The following PKD1L1 variants were observed in gnomAD, a reference collection of about 807,000 sequenced individuals.
The protein encoded by PKD1L1 is polycystin 1 like 1, transient receptor potential channel interacting.
PKD1L1 carries 236 observed loss-of-function variants against 323.4 expected under a neutral mutation model. That is an observed-to-expected ratio of 0.73 (90% CI 0.66 to 0.81). The LOEUF is 0.81. PKD1L1 is among the 40% of genes least tolerant of loss of function. The probability of loss-of-function intolerance (pLI) is 0.00; values close to 1 mark genes in which losing one functional copy is unlikely to be tolerated. For missense variants in PKD1L1, 3,320 were observed against 3,508.0 expected, an observed-to-expected ratio of 0.95 and a Z score of 1.35; for synonymous variants, 1,344 against 1,335.0, an observed-to-expected ratio of 1.01 and a Z score of -0.15.
At position 47,877,636 on chromosome 7, in the gene PKD1L1, A is replaced by T. The variant is rs752300353; in HGVS notation, c.3521-5T>A. On this transcript the variant is annotated splice_region_variant and splice_polypyrimidine_tract_variant and intron_variant, in intron 21 of 56. Coordinates refer to ENST00000289672, the MANE Select transcript of PKD1L1 (RefSeq NM_138295.5). The stretch of plus-strand genomic sequence containing the variant: ...CCAGTAAGCCATGCTTCGAAGCTAA[A>T]GAGAAAGATGAAGCAGCGGTTTCAC... 6.2e-7 allele frequency: 1 copy of T among 1,613,318 alleles called. No homozygotes were observed. The highest frequency in any genetic ancestry group is 8.5e-7 in the Non-Finnish European group (1 of 1,179,520).
intron 52 of PKD1L1, 52 bp downstream of exon 52, chr7:47,808,195 T>C (rs1784820061): frequency 6.3e-7 from 1 of 1,591,034 alleles, no homozygotes; most frequent in African/African-American, 1.3e-5. Context: ...GCCTTTTGGA[T>C]GGCATCACAG....
chr7:47,944,873 CT>C (rs1196954976), intron 1 of PKD1L1, among the ~76,000 whole-genome samples: 1 of 152,194 alleles, frequency 6.6e-6, no homozygotes, highest in African/African-American at 2.4e-5. Context: ...TGAAATAGTC[CT>C]GAACTAAGGT....
At chr7:47,897,887 G>T in intron 14 of PKD1L1, 101 bp downstream of exon 14, 3 of 934,608 alleles carry the variant, frequency 3.2e-6, no homozygotes, top group South Asian at 2.3e-5. Context: ...CCTTTTCCTG[G>T]ATCGAACAGG....
chr7:47,937,264 G>C (rs1787888080), intron 3 of PKD1L1, among the ~76,000 whole-genome samples: 1 of 137,520 alleles, frequency 7.3e-6, no homozygotes, highest in African/African-American at 2.6e-5. Flanking sequence ...GGGGGTGGGG[G>C]GGGGGGGCGC....
At chr7:47,808,206 T>G in intron 52 of PKD1L1, 41 bp downstream of exon 52, 1 of 1,608,744 alleles carries the variant, frequency 6.2e-7, no homozygotes. Flanking sequence ...GGCATCACAG[T>G]GCATGGCCTC....
In PKD1L1 at chr7:47,904,446, G is replaced by A. The variant is rs1434994959; in HGVS notation, c.1863C>T (p.Ala621=). ...ECWINFGTDV[A]YLWDFGDGTV... ...TGCCATCCCCAAAGTCCCACAGGTA[G>A]GCAACATCTGTGCCGAAGTTGATCC... The change falls in exon 12 of 57, where the codon GCC becomes GCT. Residue 621 remains alanine, a synonymous_variant. Coordinates refer to ENST00000289672, the MANE Select transcript of PKD1L1 (RefSeq NM_138295.5). The A allele has an allele frequency of 6.2e-7, 1 of 1,614,158 alleles. No homozygotes were observed. Among genetic ancestry groups the A allele is most frequent in the East Asian group, 2.2e-5 (1 of 44,878 alleles).
At chr7:47,915,701 C>T in intron 7 of PKD1L1, 102 bp from the exon 8 acceptor site, 1 of 682,104 alleles carries the variant, frequency 1.5e-6, no homozygotes, top group Non-Finnish European at 2.3e-6. Context: ...TTTAAATAAA[C>T]TAATGAAAAT....
At chr7:47,922,910 G>A (rs1401965159) in intron 7 of PKD1L1, among the ~76,000 whole-genome samples, 1 of 152,210 alleles carries the variant, frequency 6.6e-6, no homozygotes, top group Non-Finnish European at 1.5e-5. Flanking sequence ...GGAAATGTGG[G>A]GAAAAGAGAG....
chr7:47,882,282 T>TTCCCTCCCTCCC (rs67299719), intron 19 of PKD1L1, among the ~76,000 whole-genome samples, 197 bp from the exon 20 acceptor site: 1 of 146,284 alleles, frequency 6.8e-6, no homozygotes, highest in Non-Finnish European at 1.5e-5. Flanking sequence ...CAAAGGCATC[T>TTCCCTCCCTCCC]TCCCTCCCTC....
chr7:47,955,966 T>TC, the PKD1L1 span, among the ~76,000 whole-genome samples: 3 of 152,170 alleles, frequency 2.0e-5, no homozygotes, highest in South Asian at 6.2e-4. Flanking sequence ...TTTTAGACCC[T>TC]CCCTATTACA....
chr7:47,898,617 A>C (rs1362743994), intron 13 of PKD1L1, among the ~76,000 whole-genome samples: 2 of 152,122 alleles, frequency 1.3e-5, no homozygotes, highest in Non-Finnish European at 2.9e-5. Flanking sequence ...AATCATTTGC[A>C]GTATACACAA....
chr7:47,828,472 G>T (rs1028501699), intron 44 of PKD1L1, among the ~76,000 whole-genome samples: 1 of 152,050 alleles, frequency 6.6e-6, no homozygotes, highest in East Asian at 1.9e-4. Context: ...TGCAGGGCGG[G>T]GGGTGCAGGA....
At position 47,946,519 on chromosome 7, in the gene PKD1L1, C is replaced by T. The variant is rs1179455483; in HGVS notation, c.44+1878G>A. Among the ~76,000 whole-genome samples, 2 of 150,814 alleles carry T rather than the reference C, an allele frequency of 1.3e-5. No individual in the cohort carries two copies. ...CACACAAACACACCATACACACAAA[C>T]ACCACACACACACCAACACATTACA... On this transcript the variant is annotated intron_variant, in intron 1 of 56. Transcript: ENST00000289672. This position sits in a 1 kb window ranked among gnomAD's most constrained non-coding sequence, Gnocchi z 4.1.
Position 47,929,191 on chromosome 7 carries a change from C to T in PKD1L1, c.1060+13G>A, listed in dbSNP as rs1232161490. 6 of 1,611,468 alleles carry T rather than the reference C, an allele frequency of 3.7e-6. No homozygotes were observed. Among genetic ancestry groups the T allele is most frequent in the Non-Finnish European group, 5.1e-6 (6 of 1,178,218 alleles). On this transcript the variant is annotated intron_variant, in intron 7 of 56. Coordinates refer to ENST00000289672, the MANE Select transcript of PKD1L1 (RefSeq NM_138295.5). The stretch of plus-strand genomic sequence containing the variant: ...CCTTCCCAGGCTCCTGATAAGGACA[C>T]CATGCACCTTACCTTTTGAGTACTG...
intron 21 of PKD1L1, among the ~76,000 whole-genome samples, chr7:47,878,639 C>CA (rs1419714558): frequency 7.9e-5 from 12 of 152,190 alleles, no homozygotes; most frequent in African/African-American, 2.9e-4. Flanking sequence ...GGAATCTCCA[C>CA]AAAAGAAGAC....
Position 47,855,176 on chromosome 7 carries a change from C to T in PKD1L1, c.4680G>A (p.Glu1560=), listed in dbSNP as rs574906854. Residue 1560 remains glutamate (E), a synonymous_variant, in exon 29 of 57, where the codon GAG becomes GAA. Transcript: ENST00000289672. ...RQWLRKPVMV[E]FGEEDGLDNR... ...TTACCAGGCCATCCTCCTCCCCAAA[C>T]TCGACCATCACGGGTTTCCTTAGCC... The T allele has an allele frequency of 6.2e-7, 1 of 1,614,184 alleles. No individual in the cohort carries two copies. Among genetic ancestry groups the T allele is most frequent in the African/African-American group, 1.3e-5 (1 of 75,058 alleles).
chr7:47,953,249 G>C (rs561365265), upstream of PKD1L1, among the ~76,000 whole-genome samples: 36 of 152,294 alleles, frequency 2.4e-4, no homozygotes, highest in African/African-American at 7.9e-4. Flanking sequence ...ATGGGGTAAT[G>C]TTTTAGGCCC....
chr7:47,794,230 A>G (rs1787020504), intron 55 of PKD1L1, among the ~76,000 whole-genome samples: 1 of 152,216 alleles, frequency 6.6e-6, no homozygotes, highest in South Asian at 2.1e-4. Context: ...TCGCCAAGTC[A>G]TGTCAGAGAC....
chr7:47,800,974 G>A (rs533222075), intron 53 of PKD1L1, 95 bp from the exon 54 acceptor site: 13 of 1,154,140 alleles, frequency 1.1e-5, no homozygotes, highest in Non-Finnish European at 1.6e-5. Context: ...GACAAACTTG[G>A]AGGGGCAGTT....
Sources: allele counts gnomAD v4.1 joint callset (sites outside exome capture counted in the v4.1 genomes callset), GRCh38; gene constraint gnomAD v4.1.1; non-coding constraint Gnocchi (gnomAD v3.1); transcripts MANE v1.5; gene names NCBI Gene and HGNC (gene_info 2026-07-23, HGNC 2026-07-21).